CD59: variants seen among roughly 807,000 people sequenced by gnomAD.
CD59 encodes CD59 molecule (CD59 blood group).
CD59 carries 3 observed loss-of-function variants against 7.0 expected under a neutral mutation model. The observed-to-expected ratio is 0.43, with a 90% CI of 0.19 to 1.10. The LOEUF is 1.10. Among genes scored for constraint, CD59 ranks in the 50% least tolerant of loss-of-function variants. The pLI, the probability that CD59 is intolerant of heterozygous loss-of-function variation, is 0.29. For synonymous variants in CD59, 60 were observed against 62.0 expected, an observed-to-expected ratio of 0.97 and a Z score of 0.15; for missense variants, 143 against 151.0, an observed-to-expected ratio of 0.95 and a Z score of 0.28.
At position 33,710,104 on chromosome 11, in the gene CD59, GAGA is replaced by G; in HGVS notation, c.*19_*21del. On this transcript the variant is annotated 3_prime_UTR_variant, in exon 4 of 4. Transcript: ENST00000642928. ...GACTACGCAGGAACGGGGAGTTTGG[GAGA>G]AGCTCTCCTGGTGTTGACTTAGGGA... The G allele has an allele frequency of 6.3e-7, 1 of 1,578,502 alleles. No individual in the cohort carries two copies.
At chr11:33,721,479 T>G (rs747092198) in intron 2 of CD59, among the ~76,000 whole-genome samples, 3 of 152,218 alleles carry the variant, frequency 2.0e-5, no homozygotes, top group African/African-American at 4.8e-5. Flanking sequence ...CTCACTGTAT[T>G]GCCACTTTCT....
chr11:33,711,651 T>C (rs1358907400), intron 3 of CD59: 2 of 471,472 alleles, frequency 4.2e-6, no homozygotes, highest in Non-Finnish European at 7.4e-6. Context: ...CATTCCAGCC[T>C]AGGCAACAAA....
intron 2 of CD59, chr11:33,717,856 T>C (rs1853870900): frequency 1.0e-5 from 3 of 289,176 alleles, no homozygotes; most frequent in African/African-American, 2.2e-5. Flanking sequence ...TCCTCGTGGG[T>C]TGATGATCAA....
chr11:33,726,493 C>T (rs555980365), intron 1 of CD59, among the ~76,000 whole-genome samples: 2 of 152,230 alleles, frequency 1.3e-5, no homozygotes, highest in East Asian at 1.9e-4. Context: ...AACAAAGACA[C>T]GACGTACCAG....
At chr11:33,721,586 A>G (rs780162903) in intron 2 of CD59, among the ~76,000 whole-genome samples, 2 of 152,244 alleles carry the variant, frequency 1.3e-5, no homozygotes, top group Non-Finnish European at 1.5e-5. Context: ...ACCACACTTG[A>G]TCTTTACAAT....
chr11:33,734,494 C>A (rs890960669), intron 1 of CD59, among the ~76,000 whole-genome samples: 15 of 152,192 alleles, frequency 9.9e-5, no homozygotes, highest in African/African-American at 3.6e-4. Flanking sequence ...CGACAGGCGC[C>A]AGTGTGTGTT....
Position 33,703,857 on chromosome 11 carries a change from C to T in CD59, c.*6269G>A, listed in dbSNP as rs892110786. On this transcript the variant is annotated 3_prime_UTR_variant, in exon 4 of 4. Transcript: ENST00000642928. ...GTGGAGGTTCCTGTCCAGCATTCTT[C>T]ACTCTCTATTTAACCGAGGCTGACT... 2.6e-5 allele frequency: 4 copies of T among 152,250 alleles called. No individual in the cohort carries two copies. Among genetic ancestry groups the T allele is most frequent in the African/African-American group, 7.2e-5 (3 of 41,436 alleles). 9.4% of individuals were successfully genotyped at this position (152,250 alleles called of 1,614,324 possible).
Position 33,710,049 on chromosome 11 carries a change from G to T in CD59, c.*77C>A. ...ACAGGATCCATTTGGAAAATATCAA[G>T]CCTTTAGAATGTGGCAGCAAGAGAA... On this transcript the variant is annotated 3_prime_UTR_variant, in exon 4 of 4. Coordinates refer to ENST00000642928, the MANE Select transcript of CD59 (RefSeq NM_000611.6). 8.9e-7 allele frequency: 1 copy of T among 1,118,018 alleles called. No individual in the cohort carries two copies. The allele number at this position is 1,118,018 out of a possible 1,614,324, so 69.3% of individuals were successfully genotyped here.
chr11:33,709,895 G>C lies in CD59; in HGVS notation c.*231C>G. 1.6e-6 allele frequency: 1 copy of C among 606,868 alleles called. No homozygotes were observed. Among genetic ancestry groups the C allele is most frequent in the East Asian group, 2.8e-5 (1 of 35,986 alleles). The allele number at this position is 606,868 out of a possible 1,614,324, so 37.6% of individuals were successfully genotyped here. A position where few individuals can be genotyped will look rare whatever the true frequency, so the allele number is the denominator to read the frequency against. ...GGAGGAAGCATGCAATCTAGTTCAA[G>C]TCACACCTACTTCACTCTTAGACTT... is the stretch of plus-strand genomic sequence containing the variant. On this transcript the variant is annotated 3_prime_UTR_variant, in exon 4 of 4. Coordinates refer to ENST00000642928, the MANE Select transcript of CD59 (RefSeq NM_000611.6).
rs1175597085 is a variant in CD59 at position 33,704,706 on chromosome 11, TAGAC to T, written c.*5416_*5419del. ...TTAGCATCAGAGCCGGCATTTCAAA[TAGAC>T]AGGCCAGCTCTAGAGGCCAGGGTGT... On this transcript the variant is annotated 3_prime_UTR_variant, in exon 4 of 4. Coordinates refer to ENST00000642928, the MANE Select transcript of CD59 (RefSeq NM_000611.6). The T allele has an allele frequency of 1.3e-5, 2 of 152,376 alleles. No individual in the cohort carries two copies. Among genetic ancestry groups the T allele is most frequent in the African/African-American group, 4.8e-5 (2 of 41,408 alleles). 9.4% of individuals were successfully genotyped at this position (152,376 alleles called of 1,614,324 possible). A position where few individuals can be genotyped will look rare whatever the true frequency, so the allele number is the denominator to read the frequency against.
intron 3 of CD59, among the ~76,000 whole-genome samples, chr11:33,714,192 C>A (rs577421828): frequency 6.6e-6 from 1 of 152,210 alleles, no homozygotes; most frequent in Non-Finnish European, 1.5e-5. Context: ...AACGTCATAG[C>A]GTGTAGTTAC....
rs190341475 is a variant in CD59, at chr11:33,703,342, T to C, written c.*6784A>G. The stretch of plus-strand genomic sequence containing the variant: ...ACGAGGTTAAGGCAAAACCCTACGG[T>C]TGTTTCTGCAAACAAATGTCCAGGA... On this transcript the variant is annotated 3_prime_UTR_variant, in exon 4 of 4. Coordinates refer to ENST00000642928, the MANE Select transcript of CD59 (RefSeq NM_000611.6). 5.7e-4 allele frequency: 86 copies of C among 152,200 alleles called. No homozygotes were observed. Among genetic ancestry groups the C allele is most frequent in the African/African-American group, 1.8e-3 (76 of 41,526 alleles). The allele number at this position is 152,200 out of a possible 1,614,324, so 9.4% of individuals were successfully genotyped here. A position where few individuals can be genotyped will look rare whatever the true frequency, so the allele number is the denominator to read the frequency against.
At chr11:33,732,243 T>C (rs536971006) in intron 1 of CD59, among the ~76,000 whole-genome samples, 1 of 152,270 alleles carries the variant, frequency 6.6e-6, no homozygotes, top group South Asian at 2.1e-4. Flanking sequence ...TGAATTTTAA[T>C]CCCCAGTGTC....
At chr11:33,732,583 C>A (rs935290232) in intron 1 of CD59, among the ~76,000 whole-genome samples, 7 of 152,190 alleles carry the variant, frequency 4.6e-5, no homozygotes, top group African/African-American at 1.7e-4. Flanking sequence ...GACTAATACA[C>A]CTTGTTCCTG....
intron 3 of CD59, among the ~76,000 whole-genome samples, chr11:33,713,515 T>C (rs960813746): frequency 6.6e-6 from 1 of 152,224 alleles, no homozygotes; most frequent in African/African-American, 2.4e-5. Context: ...AGAGTCCACA[T>C]AGAGTATTCC....
chr11:33,725,285 G>GAAAAA (rs35899420), intron 1 of CD59, among the ~76,000 whole-genome samples: 2 of 86,492 alleles, frequency 2.3e-5, no homozygotes, highest in South Asian at 3.8e-4. Flanking sequence ...CCATTTTAAG[G>GAAAAA]AAAAAAAAAA....
intron 2 of CD59, chr11:33,718,355 C>A (rs1232462700): frequency 6.6e-6 from 1 of 152,166 alleles, no homozygotes; most frequent in Non-Finnish European, 1.5e-5. Context: ...TGGTGGTGCA[C>A]ACCTATAATC....
At chr11:33,721,300 C>T (rs189298904) in intron 2 of CD59, among the ~76,000 whole-genome samples, 157 of 152,240 alleles carry the variant, frequency 1.0e-3, no homozygotes, top group African/African-American at 3.6e-3. Context: ...GCCTTCATTT[C>T]CTCAGCTGTA....
intron 3 of CD59, among the ~76,000 whole-genome samples, chr11:33,716,429 TACA>T (rs1853793966): frequency 1.3e-5 from 2 of 152,138 alleles, no homozygotes; most frequent in Admixed American, 1.3e-4. Flanking sequence ...GGTCTAAGAG[TACA>T]AATAACCTTG....
Sources: gnomAD v4.1 joint callset for allele counts (sites outside exome capture counted in the v4.1 genomes callset) on GRCh38, gnomAD v4.1.1 for gene constraint, MANE v1.5 for transcripts, NCBI Gene and HGNC (gene_info 2026-07-23, HGNC 2026-07-21) for gene names.